Variants in CABLES1 observed in about 807,000 individuals in gnomAD.
CABLES1 encodes the protein CDK5 and ABL1 enzyme substrate 1.
Under a neutral mutation model 57.8 loss-of-function variants are expected in CABLES1, and 36 were observed. That is an observed-to-expected ratio of 0.62 (90% confidence interval 0.48 to 0.82). CABLES1 has a LOEUF of 0.82. CABLES1 is among the 40% of genes least tolerant of loss of function. The pLI is 0.00. For missense variants in CABLES1, 767 were observed against 836.6 expected, an observed-to-expected ratio of 0.92 and a Z score of 1.03; for synonymous variants, 374 against 363.0, an observed-to-expected ratio of 1.03 and a Z score of -0.35.
chr18:23,229,965 A>G (rs2047555285), intron 4 of CABLES1, among the ~76,000 whole-genome samples: 1 of 152,266 alleles, frequency 6.6e-6, no homozygotes. Flanking sequence ...GAAAGATTCC[A>G]GCAACATTGA....
chr18:23,239,899 C>T (rs915634496), intron 7 of CABLES1, among the ~76,000 whole-genome samples: 1 of 152,194 alleles, frequency 6.6e-6, no homozygotes, highest in Non-Finnish European at 1.5e-5. Flanking sequence ...AGGTGGATCA[C>T]CTGAGGTCAG....
At chr18:23,253,138 C>T (rs2145135441) in intron 8 of CABLES1, 72 bp downstream of exon 8, 2 of 849,838 alleles carry the variant, frequency 2.4e-6, no homozygotes, top group East Asian at 5.0e-5. Flanking sequence ...AGCTTGTCAT[C>T]TGTCCAGTGG....
At chr18:23,252,747 C>T (rs1018368790) in intron 7 of CABLES1, among the ~76,000 whole-genome samples, 2 of 152,198 alleles carry the variant, frequency 1.3e-5, no homozygotes, top group African/African-American at 4.8e-5. Flanking sequence ...AGTGTCACCT[C>T]ATCCTAATAG....
At chr18:23,232,526 C>G (rs1440163489) in intron 4 of CABLES1, among the ~76,000 whole-genome samples, 1 of 152,216 alleles carries the variant, frequency 6.6e-6, no homozygotes, top group Non-Finnish European at 1.5e-5. Context: ...TTCATCATCT[C>G]CATCCTTAAT....
chr18:23,220,123 C>T (rs971201843), intron 4 of CABLES1, among the ~76,000 whole-genome samples: 1 of 152,178 alleles, frequency 6.6e-6, no homozygotes, highest in African/African-American at 2.4e-5. Flanking sequence ...TTGAAGCAGA[C>T]TGCCCGAGTA....
intron 7 of CABLES1, among the ~76,000 whole-genome samples, chr18:23,241,993 G>A (rs569757346): frequency 8.5e-5 from 13 of 152,220 alleles, no homozygotes; most frequent in South Asian, 4.2e-4. Flanking sequence ...AAAAAATTCC[G>A]GGCCAGGTGC....
intron 4 of CABLES1, among the ~76,000 whole-genome samples, chr18:23,218,118 T>C (rs2047455998): frequency 6.6e-6 from 1 of 152,220 alleles, no homozygotes; most frequent in South Asian, 2.1e-4. Context: ...AAGAAAGTTC[T>C]AAAAACAGGA....
At position 23,253,866 on chromosome 18, in the gene CABLES1, G is replaced by A; in HGVS notation, c.1691G>A (p.Gly564Glu). The A allele has an allele frequency of 6.2e-7, 1 of 1,614,200 alleles. No homozygotes were observed. The highest frequency in any genetic ancestry group is 8.5e-7 in the Non-Finnish European group (1 of 1,180,028). ...AAACAGAACCGGAAGCTGTGTGCTG[G>A]GGCATGTGTGCTGTTAGCAGCCAAA... is the stretch of plus-strand genomic sequence containing the variant. Reference protein sequence around the residue: ...LNKQNRKLCAGACVLLAAKIG... With the variant: ...LNKQNRKLCAEACVLLAAKIG... The change falls in exon 9 of 10, where the codon GGG (glycine) becomes GAG (glutamate). Residue 564 changes from glycine (G) to glutamate (E), a missense_variant. Transcript: ENST00000256925.
intron 7 of CABLES1, among the ~76,000 whole-genome samples, chr18:23,240,177 G>A (rs183744708): frequency 7.9e-5 from 12 of 152,162 alleles, no homozygotes; most frequent in African/African-American, 2.9e-4. Context: ...TGGGCCCCAG[G>A]GGGTAGGCCT....
At chr18:23,150,201 G>C (rs1013275827) in intron 1 of CABLES1, among the ~76,000 whole-genome samples, 1 of 102,926 alleles carries the variant, frequency 9.7e-6, no homozygotes, top group African/African-American at 4.6e-5. Context: ...ATAGTAGTTG[G>C]TGTTTGTTTT....
chr18:23,240,451 C>T lies in CABLES1; in HGVS notation c.1446+3206C>T, dbSNP rs533244928. 5.9e-5 allele frequency among the ~76,000 whole-genome samples: 9 copies of T among 152,366 alleles called. No homozygotes were observed. In the South Asian group the frequency reaches 1.4e-3, roughly 25 times the overall value. On this transcript the variant is annotated intron_variant, in intron 7 of 9. Coordinates refer to ENST00000256925, the MANE Select transcript of CABLES1 (RefSeq NM_001100619.3). ...CTCGGCCCCAGGCACAGGGAGCTGC[C>T]GCTGAAACAGGCCCTGGCTCCAAAG...
intron 1 of CABLES1, among the ~76,000 whole-genome samples, chr18:23,143,936 G>A (rs1247918986): frequency 6.6e-6 from 1 of 152,190 alleles, no homozygotes; most frequent in African/African-American, 2.4e-5. Flanking sequence ...GGTCCTGGTT[G>A]CCACTGCAAC....
At chr18:23,219,853 A>G (rs1213598986) in intron 4 of CABLES1, among the ~76,000 whole-genome samples, 1 of 152,196 alleles carries the variant, frequency 6.6e-6, no homozygotes, top group Non-Finnish European at 1.5e-5. Flanking sequence ...TCTGTCAATA[A>G]TCAGCAACTT....
In CABLES1 at chr18:23,257,700, C is replaced by T. The variant is rs558360045; in HGVS notation, c.*333C>T. The stretch of plus-strand genomic sequence containing the variant: ...CAAACTTTGCAAGCGTGGTCCAGGG[C>T]CTTCTCCAGATCTGTTCCAACTTGG... On this transcript the variant is annotated 3_prime_UTR_variant, in exon 10 of 10. Coordinates refer to ENST00000256925, the MANE Select transcript of CABLES1 (RefSeq NM_001100619.3). 263 of 231,354 alleles carry T rather than the reference C, an allele frequency of 1.1e-3. No individual in the cohort carries two copies. The highest frequency in any genetic ancestry group is 1.7e-3 in the Non-Finnish European group (202 of 121,838). 14.3% of individuals were successfully genotyped at this position (231,354 alleles called of 1,614,324 possible). A position where few individuals can be genotyped will look rare whatever the true frequency, so the allele number is the denominator to read the frequency against.
chr18:23,257,566 C>T lies in CABLES1; in HGVS notation c.*199C>T. The stretch of plus-strand genomic sequence containing the variant: ...CAAGAGGAGCCATGAGCTATGGACT[C>T]CTCAAGCACGGGAAGAGGAGGTGTG... On this transcript the variant is annotated 3_prime_UTR_variant, in exon 10 of 10. Transcript: ENST00000256925. 1 of 529,808 alleles carries T rather than the reference C, an allele frequency of 1.9e-6. No homozygotes were observed. The highest frequency in any genetic ancestry group is 3.5e-5 in the East Asian group (1 of 28,780). 32.8% of individuals were successfully genotyped at this position (529,808 alleles called of 1,614,324 possible).
chr18:23,210,520 C>T (rs2047397113), intron 3 of CABLES1, among the ~76,000 whole-genome samples: 1 of 152,216 alleles, frequency 6.6e-6, no homozygotes. Flanking sequence ...TGTGTATCTC[C>T]ATTACCATGG....
intron 1 of CABLES1, among the ~76,000 whole-genome samples, chr18:23,186,628 G>A (rs1397761948): frequency 6.6e-6 from 1 of 152,020 alleles, no homozygotes; most frequent in East Asian, 1.9e-4. Context: ...CACCATGTTG[G>A]CCATGCTGGT....
intron 1 of CABLES1, 150 bp downstream of exon 1, chr18:23,136,757 G>T (rs1786509875): frequency 2.0e-6 from 1 of 489,222 alleles, no homozygotes; most frequent in Non-Finnish European, 3.3e-6. Flanking sequence ...CCCAAACCAC[G>T]AGGGCACCCA....
intron 7 of CABLES1, among the ~76,000 whole-genome samples, chr18:23,248,538 TAAA>T (rs1555671607): frequency 5.3e-5 from 5 of 93,602 alleles, no homozygotes; most frequent in Non-Finnish European, 9.4e-5. Flanking sequence ...TTTTTTTTTT[TAAA>T]AAAAGGCTGG....
Sources: gnomAD v4.1 joint callset for allele counts (sites outside exome capture counted in the v4.1 genomes callset) on GRCh38, gnomAD v4.1.1 for gene constraint, MANE v1.5 for transcripts, NCBI Gene and HGNC (gene_info 2026-07-23, HGNC 2026-07-21) for gene names.